SERINC5: variants seen among roughly 807,000 people sequenced by gnomAD.
SERINC5 encodes chromosome 5 open reading frame 12.
A neutral mutation model predicts 63.1 loss-of-function variants in SERINC5; 41 were observed. That is an observed-to-expected ratio of 0.65 (90% confidence interval 0.51 to 0.84). SERINC5 has a LOEUF of 0.84. Ranked by LOEUF, SERINC5 falls within the 40% of genes least tolerant of loss-of-function variation. The probability of loss-of-function intolerance (pLI) is 0.00; values close to 1 mark genes in which losing one functional copy is unlikely to be tolerated. For synonymous variants in SERINC5, 222 were observed against 215.2 expected (o/e 1.03, Z -0.28); for missense variants, 523 against 573.0 (o/e 0.91, Z 0.89).
At chr5:80,210,477 T>C (rs192715447) in intron 1 of SERINC5, among the ~76,000 whole-genome samples, 1 of 152,192 alleles carries the variant, frequency 6.6e-6, no homozygotes, top group Non-Finnish European at 1.5e-5. Flanking sequence ...GATCTAGGTG[T>C]GTGAGGAAAT....
chr5:80,183,254 T>A (rs189289421), intron 2 of SERINC5, among the ~76,000 whole-genome samples: 1 of 152,168 alleles, frequency 6.6e-6, no homozygotes, highest in Non-Finnish European at 1.5e-5. Context: ...AAAGCTGTTT[T>A]GTTTTCTTCT....
At chr5:80,111,490 A>G (rs1013388605), downstream of SERINC5, among the ~76,000 whole-genome samples, 3 of 152,266 alleles carry the variant, frequency 2.0e-5, no homozygotes, top group Non-Finnish European at 2.9e-5. Flanking sequence ...GCTATCAACC[A>G]GACAAAAACA....
intron 1 of SERINC5, among the ~76,000 whole-genome samples, chr5:80,216,489 G>A (rs17259586): frequency 0.12 from 18,742 of 152,214 alleles, 1,339 homozygotes; most frequent in Non-Finnish European, 0.16. Context: ...AGCTAAAGCC[G>A]TCTTTACACC....
chr5:80,187,234 C>T (rs1041694481), intron 2 of SERINC5, among the ~76,000 whole-genome samples: 1 of 152,084 alleles, frequency 6.6e-6, no homozygotes, highest in African/African-American at 2.4e-5. Flanking sequence ...ATATTAATAT[C>T]AAATTTCAAA....
chr5:80,182,942 C>G (rs777589717), intron 2 of SERINC5, among the ~76,000 whole-genome samples: 1 of 152,182 alleles, frequency 6.6e-6, no homozygotes, highest in African/African-American at 2.4e-5. Flanking sequence ...TGGAAGGAAG[C>G]CATTTTTCCC....
chr5:80,147,963 C>A (rs931978121), intron 9 of SERINC5, among the ~76,000 whole-genome samples: 1 of 152,110 alleles, frequency 6.6e-6, no homozygotes, highest in Non-Finnish European at 1.5e-5. Flanking sequence ...AGAGCTGGAA[C>A]AGACGAATGC....
rs1280831400 is a variant in SERINC5, at chr5:80,245,619, A to AT, written c.27+10276dup. Among the ~76,000 whole-genome samples the AT allele has an allele frequency of 6.4e-5, 9 of 140,574 alleles. No individual in the cohort carries two copies. The South Asian group carries it at 1.4e-3, about 21-fold the overall frequency. 92.2% of individuals were successfully genotyped at this position (140,574 alleles called of 152,430 possible). Reference sequence around the variant, plus strand: ...ACCCAGTGAATATTTATTTTTTTTTATTTTTTATTTTTTGAGACTGAGTCT... The same window carrying AT: ...ACCCAGTGAATATTTATTTTTTTTTATTTTTTTATTTTTTGAGACTGAGTCT... On this transcript the variant is annotated intron_variant, in intron 1 of 11. Transcript: ENST00000507668.
chr5:80,131,704 T>C (rs993298147), intron 11 of SERINC5, among the ~76,000 whole-genome samples: 1 of 152,216 alleles, frequency 6.6e-6, no homozygotes, highest in Non-Finnish European at 1.5e-5. Context: ...GGAAGCCATT[T>C]TGAGGGTGTG....
chr5:80,128,007 A>C (rs2112248314), intron 11 of SERINC5, among the ~76,000 whole-genome samples: 1 of 152,342 alleles, frequency 6.6e-6, no homozygotes, highest in African/African-American at 2.4e-5. Flanking sequence ...CATTATTTCA[A>C]ACTTAGTTAT....
chr5:80,112,389 TCA>T (rs1744148391), intron 12 of SERINC5, among the ~76,000 whole-genome samples: 1 of 152,152 alleles, frequency 6.6e-6, no homozygotes. Context: ...ATTCCTTTGC[TCA>T]CGTTTTCTTG....
intron 11 of SERINC5, among the ~76,000 whole-genome samples, chr5:80,130,741 C>T (rs577428716): frequency 6.6e-6 from 1 of 152,192 alleles, no homozygotes; most frequent in Admixed American, 6.5e-5. Context: ...TTTTTCACTA[C>T]TGCCATCCAC....
At chr5:80,158,729 C>T in intron 8 of SERINC5, 107 bp downstream of exon 8, 1 of 1,046,352 alleles carries the variant, frequency 9.6e-7, no homozygotes, top group East Asian at 2.4e-5. Context: ...GTTATTTTCC[C>T]CCCTCCTCAA....
At chr5:80,163,763 G>A (rs765638768) in intron 7 of SERINC5, among the ~76,000 whole-genome samples, 42 of 152,012 alleles carry the variant, frequency 2.8e-4, no homozygotes, top group Admixed American at 1.2e-3. Context: ...CTATTACATC[G>A]TGTTTGCTAG....
rs1745328882 is a variant in SERINC5 at position 80,138,773 on chromosome 5, G to C, written c.*4890C>G. 3 of 972,522 alleles carry C rather than the reference G, an allele frequency of 3.1e-6. No individual in the cohort carries two copies. Among genetic ancestry groups the C allele is most frequent in the Middle Eastern group, 5.2e-4 (1 of 1,910 alleles). The allele number at this position is 972,522 out of a possible 1,614,324, so 60.2% of individuals were successfully genotyped here. On this transcript the variant is annotated 3_prime_UTR_variant, in exon 12 of 12. Transcript: ENST00000507668. ...CTTTTATTTGTCAATTAAAGGATCA[G>C]CATAGACTCCATGAAACTTGAGAGA...
intron 11 of SERINC5, among the ~76,000 whole-genome samples, chr5:80,145,019 G>A (rs1482506293): frequency 6.6e-6 from 1 of 151,764 alleles, no homozygotes; most frequent in Non-Finnish European, 1.5e-5. Context: ...AGCCTCCAGG[G>A]GAAAACATGT....
At chr5:80,135,616 T>A (rs1260755206), downstream of SERINC5, among the ~76,000 whole-genome samples, 1 of 152,092 alleles carries the variant, frequency 6.6e-6, no homozygotes, top group Admixed American at 6.6e-5. Flanking sequence ...TGTCCAGTGC[T>A]TCTGATAGGT....
intron 11 of SERINC5, among the ~76,000 whole-genome samples, chr5:80,117,834 G>C (rs1405048849): frequency 4.0e-5 from 6 of 151,862 alleles, no homozygotes. Flanking sequence ...GCTTGTAGCT[G>C]CACCACTCCA....
intron 5 of SERINC5, among the ~76,000 whole-genome samples, chr5:80,171,341 A>G (rs922355692): frequency 6.6e-6 from 1 of 152,154 alleles, no homozygotes; most frequent in Non-Finnish European, 1.5e-5. Flanking sequence ...ATAAACTTTT[A>G]AAAACAGAAA....
At position 80,159,067 on chromosome 5, in the gene SERINC5, T is replaced by C. The variant is rs1266609651; in HGVS notation, c.860-105A>G. ...TTCAGGTAGCTGTGGTGTACCTCCTTAGAACAGTGAACACTTATCACTGGA... is the reference window on the plus strand; with the variant it reads ...TTCAGGTAGCTGTGGTGTACCTCCTCAGAACAGTGAACACTTATCACTGGA... On this transcript the variant is annotated intron_variant, in intron 7 of 11. Coordinates refer to ENST00000507668, the MANE Select transcript of SERINC5 (RefSeq NM_001174072.3). 21 of 1,111,630 alleles carry C rather than the reference T, an allele frequency of 1.9e-5. No homozygotes were observed. In the East Asian group the frequency reaches 4.0e-4, roughly 21 times the overall value. The allele number at this position is 1,111,630 out of a possible 1,614,324, so 68.9% of individuals were successfully genotyped here.
Sources: allele counts gnomAD v4.1 joint callset (sites outside exome capture counted in the v4.1 genomes callset), GRCh38; gene constraint gnomAD v4.1.1; transcripts MANE v1.5; gene names NCBI Gene and HGNC (gene_info 2026-07-23, HGNC 2026-07-21).